Variants in ZNF804A observed in about 807,000 individuals in gnomAD.
ZNF804A encodes zinc finger protein 804A.
Under a neutral mutation model 16.5 loss-of-function variants are expected in ZNF804A, and 2 were observed. The ratio of observed to expected loss-of-function variants is 0.12; its 90% CI spans 0.05 to 0.38. ZNF804A has a LOEUF of 0.38. ZNF804A is among the 10% of genes least tolerant of loss of function. ZNF804A has a pLI of 0.99. For missense variants in ZNF804A, 1,473 were observed against 1,390.7 expected (o/e 1.06, Z -0.94); for synonymous variants, 534 against 489.6 (o/e 1.09, Z -1.20).
chr2:184,799,640 C>A (rs1475299094), intron 1 of ZNF804A, among the ~76,000 whole-genome samples: 1 of 152,148 alleles, frequency 6.6e-6, no homozygotes. Flanking sequence ...CCTTTCACTT[C>A]AAACTACCAA....
At chr2:184,881,444 A>C (rs1390762787) in intron 2 of ZNF804A, among the ~76,000 whole-genome samples, 1 of 151,958 alleles carries the variant, frequency 6.6e-6, no homozygotes, top group Non-Finnish European at 1.5e-5. Flanking sequence ...GTGAGAAAAC[A>C]ATCTGCAAGA....
intron 1 of ZNF804A, among the ~76,000 whole-genome samples, chr2:184,791,237 A>T (rs962350501): frequency 6.6e-6 from 1 of 152,046 alleles, no homozygotes; most frequent in African/African-American, 2.4e-5. Flanking sequence ...GTTGTTTTGA[A>T]GTTTTGATTG....
chr2:184,765,297 T>C (rs72901885), intron 1 of ZNF804A, among the ~76,000 whole-genome samples: 7,317 of 152,092 alleles, frequency 0.048, 244 homozygotes, highest in Middle Eastern at 0.078. Context: ...ACTACTATGG[T>C]AATAAGGGAG....
intron 1 of ZNF804A, among the ~76,000 whole-genome samples, chr2:184,853,735 A>G (rs1429433996): frequency 6.6e-6 from 1 of 151,818 alleles, no homozygotes; most frequent in African/African-American, 2.4e-5. Flanking sequence ...TGCATCCCCA[A>G]TATAAATCTC....
At chr2:184,813,411 G>T (rs1694930332) in intron 1 of ZNF804A, among the ~76,000 whole-genome samples, 1 of 152,012 alleles carries the variant, frequency 6.6e-6, no homozygotes, top group Admixed American at 6.6e-5. Flanking sequence ...GTTTGAGCTG[G>T]ATATTGAAAA....
chr2:184,798,068 A>T (rs1225981168), intron 1 of ZNF804A, among the ~76,000 whole-genome samples: 1 of 145,838 alleles, frequency 6.9e-6, no homozygotes, highest in Non-Finnish European at 1.5e-5. Flanking sequence ...ATAGGGCCCC[A>T]ATCCCTTCTC....
At chr2:184,669,705 C>A (rs1404142350) in intron 1 of ZNF804A, among the ~76,000 whole-genome samples, 2 of 151,716 alleles carry the variant, frequency 1.3e-5, no homozygotes, top group African/African-American at 2.4e-5. Flanking sequence ...ATCATTAAAC[C>A]ATATGTCAGT....
chr2:184,713,623 ATTCTT>A (rs1693167574), intron 1 of ZNF804A, among the ~76,000 whole-genome samples: 1 of 151,970 alleles, frequency 6.6e-6, no homozygotes, highest in Non-Finnish European at 1.5e-5. Flanking sequence ...ACAATATCTA[ATTCTT>A]AGTTTTGGAG....
intron 1 of ZNF804A, among the ~76,000 whole-genome samples, chr2:184,663,400 T>C (rs896324085): frequency 1.1e-4 from 16 of 152,004 alleles, no homozygotes; most frequent in African/African-American, 3.4e-4. Flanking sequence ...CTCTAGACTT[T>C]GGGCACTGTG....
chr2:184,650,470 C>G (rs958008295), intron 1 of ZNF804A, among the ~76,000 whole-genome samples: 2 of 151,920 alleles, frequency 1.3e-5, no homozygotes, highest in African/African-American at 4.8e-5. Flanking sequence ...AGCAATCAGA[C>G]AAGAGAATGG....
chr2:184,674,376 G>A (rs1367050500), intron 1 of ZNF804A, among the ~76,000 whole-genome samples: 1 of 151,888 alleles, frequency 6.6e-6, no homozygotes, highest in African/African-American at 2.4e-5. Flanking sequence ...AGAAGAAGAT[G>A]TATTACTATG....
chr2:184,713,233 TA>T (rs1693157859), intron 1 of ZNF804A, among the ~76,000 whole-genome samples: 2 of 151,824 alleles, frequency 1.3e-5, no homozygotes, highest in South Asian at 4.1e-4. Flanking sequence ...CAAAGATGGC[TA>T]TTTTTTTTCA....
chr2:184,754,333 G>T (rs1693925321), intron 1 of ZNF804A, among the ~76,000 whole-genome samples: 1 of 151,636 alleles, frequency 6.6e-6, no homozygotes, highest in African/African-American at 2.4e-5. Context: ...AAACATTTGG[G>T]GTTGATAAAT....
intron 2 of ZNF804A, among the ~76,000 whole-genome samples, chr2:184,899,416 A>T (rs1685141176): frequency 6.6e-6 from 1 of 151,968 alleles, no homozygotes. Flanking sequence ...CTAACTGATG[A>T]ATGAAATTTG....
intron 1 of ZNF804A, among the ~76,000 whole-genome samples, chr2:184,733,023 T>G (rs1693544717): frequency 6.6e-6 from 1 of 152,134 alleles, no homozygotes; most frequent in Non-Finnish European, 1.5e-5. Flanking sequence ...ATCTTTTCTT[T>G]TCTTGTCTTG....
chr2:184,914,507 T>C (rs929705535), intron 2 of ZNF804A, among the ~76,000 whole-genome samples: 2 of 152,196 alleles, frequency 1.3e-5, no homozygotes, highest in Non-Finnish European at 2.9e-5. Context: ...TTGAAGTTAT[T>C]TGTAAACATA....
intron 1 of ZNF804A, among the ~76,000 whole-genome samples, chr2:184,634,461 A>G (rs531736509): frequency 6.6e-6 from 1 of 152,094 alleles, no homozygotes; most frequent in Non-Finnish European, 1.5e-5. Context: ...AGTGGGCCCA[A>G]TGTAATCACA....
intron 1 of ZNF804A, among the ~76,000 whole-genome samples, chr2:184,690,481 T>C (rs978404376): frequency 1.3e-5 from 2 of 152,146 alleles, no homozygotes; most frequent in East Asian, 3.9e-4. Context: ...CAACAGCCTG[T>C]TGAATTGAGA....
intron 1 of ZNF804A, among the ~76,000 whole-genome samples, chr2:184,603,994 G>A (rs1272926180): frequency 6.6e-6 from 1 of 151,712 alleles, no homozygotes; most frequent in East Asian, 1.9e-4. Flanking sequence ...GTATTTTAAG[G>A]CAAATGTCAA....
Sources: allele counts gnomAD v4.1 joint callset (sites outside exome capture counted in the v4.1 genomes callset), GRCh38; gene constraint gnomAD v4.1.1; transcripts MANE v1.5; gene names NCBI Gene and HGNC (gene_info 2026-07-23, HGNC 2026-07-21).